The following PDZRN3 variants were observed in gnomAD, a reference collection of about 807,000 sequenced individuals.
The protein encoded by PDZRN3 is PDZ domain containing ring finger 3, also known as E3 ubiquitin-protein ligase PDZRN3.
A neutral mutation model predicts 85.7 loss-of-function variants in PDZRN3; 38 were observed. The ratio of observed to expected loss-of-function variants is 0.44; its 90% CI spans 0.34 to 0.58. The LOEUF is 0.58. Ranked by LOEUF, PDZRN3 falls within the 20% of genes least tolerant of loss-of-function variation. The pLI is 0.01. For missense variants in PDZRN3, 1,629 were observed against 1,506.4 expected, an observed-to-expected ratio of 1.08 and a Z score of -1.35; for synonymous variants, 759 against 638.0, an observed-to-expected ratio of 1.19 and a Z score of -2.86.
At chr3:73,505,618 C>A (rs1390029302) in intron 3 of PDZRN3, among the ~76,000 whole-genome samples, 1 of 152,012 alleles carries the variant, frequency 6.6e-6, no homozygotes, top group Non-Finnish European at 1.5e-5. Flanking sequence ...CCTTACAATA[C>A]GAATTACTAT....
At chr3:73,404,722 C>T (rs1032252035) in intron 3 of PDZRN3, among the ~76,000 whole-genome samples, 8 of 152,246 alleles carry the variant, frequency 5.3e-5, no homozygotes, top group African/African-American at 1.4e-4. Flanking sequence ...GAGCCTTTAT[C>T]AGGCAATAAT....
intron 3 of PDZRN3, among the ~76,000 whole-genome samples, chr3:73,475,157 T>C (rs545167112): frequency 6.6e-6 from 1 of 152,320 alleles, no homozygotes; most frequent in Admixed American, 6.5e-5. Context: ...CAAGCTCTGA[T>C]GTTCATGAGG....
At chr3:73,548,224 C>T (rs1182370417) in intron 3 of PDZRN3, among the ~76,000 whole-genome samples, 2 of 152,218 alleles carry the variant, frequency 1.3e-5, no homozygotes, top group Non-Finnish European at 2.9e-5. Context: ...GCACTACATA[C>T]CCAAATGTGA....
intron 3 of PDZRN3, among the ~76,000 whole-genome samples, chr3:73,518,345 G>T (rs959096687): frequency 3.9e-5 from 6 of 152,052 alleles, no homozygotes; most frequent in African/African-American, 1.4e-4. Context: ...CCATGGGCTG[G>T]GGGAAGGAAA....
At chr3:73,600,337 A>ACACACACACTCTCTCTCTCTCTCT (rs34405662) in intron 3 of PDZRN3, among the ~76,000 whole-genome samples, 8 of 100,072 alleles carry the variant, frequency 8.0e-5, no homozygotes, top group African/African-American at 3.0e-4. Flanking sequence ...ACACACACAC[A>ACACACACACTCTCTCTCTCTCTCT]CTCTCTCTCT....
Position 73,383,840 on chromosome 3 carries a change from A to T in PDZRN3, c.2726T>A (p.Leu909Gln). ...CGGCTCCGACGGGGTGGGAGAGCTC[A>T]GGTCCTTGCACATGCTCACCAGGCT... Reference protein sequence around the residue: ...QMSLVSMCKDLSSPTPSEPRM... With the variant: ...QMSLVSMCKDQSSPTPSEPRM... Residue 909 changes from leucine to glutamine, a missense_variant, in exon 10 of 10, where the codon CTG becomes CAG. By Grantham distance (113) the Leu-to-Gln change is moderately radical. Coordinates refer to ENST00000263666, the MANE Select transcript of PDZRN3 (RefSeq NM_015009.3). 6.2e-7 allele frequency: 1 copy of T among 1,613,802 alleles called. No homozygotes were observed. The highest frequency in any genetic ancestry group is 1.3e-5 in the African/African-American group (1 of 75,052).
At chr3:73,428,215 G>A (rs971950752) in intron 3 of PDZRN3, among the ~76,000 whole-genome samples, 11 of 152,084 alleles carry the variant, frequency 7.2e-5, no homozygotes, top group Admixed American at 2.0e-4. Flanking sequence ...GAGCCAGTGA[G>A]CAAGTGGGTG....
chr3:73,562,995 ATATATATATATATATATATTTTT>A lies in PDZRN3; in HGVS notation c.918+39336_918+39358del, dbSNP rs1279999223. The stretch of plus-strand genomic sequence containing the variant: ...GCAAGTTGGCAAATTATATATATAT[ATATATATATATATATATATTTTT>A]TTTTTTTTTTTTTTTTTTGAGACAG... On this transcript the variant is annotated intron_variant, in intron 3 of 9. Transcript: ENST00000263666. Among the ~76,000 whole-genome samples, 168 of 29,084 alleles carry A rather than the reference ATATATATATATATATATATTTTT, an allele frequency of 5.8e-3. 5 individuals carry two copies. Among genetic ancestry groups the A allele is most frequent in the Middle Eastern group, 0.03 (2 of 66 alleles). 19.1% of individuals were successfully genotyped at this position (29,084 alleles called of 152,430 possible). A position where few individuals can be genotyped will look rare whatever the true frequency, so the allele number is the denominator to read the frequency against.
chr3:73,413,173 G>T (rs957066951), intron 3 of PDZRN3, among the ~76,000 whole-genome samples: 1 of 152,158 alleles, frequency 6.6e-6, no homozygotes, highest in Non-Finnish European at 1.5e-5. Flanking sequence ...TATAAACAGG[G>T]TTGTGAAGAT....
Position 73,382,728 on chromosome 3 carries a change from G to C in PDZRN3, c.*637C>G, listed in dbSNP as rs1247119538. 2.6e-5 allele frequency: 4 copies of C among 152,620 alleles called. No homozygotes were observed. The highest frequency in any genetic ancestry group is 4.4e-5 in the Non-Finnish European group (3 of 68,044). The allele number at this position is 152,620 out of a possible 1,614,324, so 9.5% of individuals were successfully genotyped here. On this transcript the variant is annotated 3_prime_UTR_variant, in exon 10 of 10. Transcript: ENST00000263666. ...GCTTTAAACTTCCATAAAGATGCAA[G>C]ATATTTTGCTTTCTGCTAAAACCTT...
intron 3 of PDZRN3, among the ~76,000 whole-genome samples, chr3:73,574,831 C>G (rs184202761): frequency 8.3e-4 from 127 of 152,342 alleles, no homozygotes; most frequent in African/African-American, 3.0e-3. Context: ...AACTTCCCCC[C>G]TCATCTAGCC....
At chr3:73,553,576 TAAA>T (rs5850118) in intron 3 of PDZRN3, among the ~76,000 whole-genome samples, 2 of 136,710 alleles carry the variant, frequency 1.5e-5, no homozygotes, top group African/African-American at 2.8e-5. Flanking sequence ...AGACTCCATC[TAAA>T]AAAAAAAAAA....
intron 2 of PDZRN3, among the ~76,000 whole-genome samples, chr3:73,602,920 C>T (rs1304927157): frequency 1.3e-5 from 2 of 152,154 alleles, no homozygotes; most frequent in Admixed American, 6.6e-5. Flanking sequence ...GAACAGTATC[C>T]AACATGAGGC....
chr3:73,620,071 T>A (rs1702830662), intron 1 of PDZRN3, among the ~76,000 whole-genome samples: 1 of 152,112 alleles, frequency 6.6e-6, no homozygotes, highest in Admixed American at 6.6e-5. Context: ...CAGGTCAGCC[T>A]CCCACCCCCA....
In PDZRN3 at chr3:73,383,397, A is replaced by G. The variant is rs1300984672; in HGVS notation, c.3169T>C (p.Tyr1057His). ...GTAGTCACCGATAGGAAGGAATTGT[A>G]TACTCTAGTGCCGTCCGGGGATTTT... is the stretch of plus-strand genomic sequence containing the variant. ...GTKSPDGTRVYNSFLSVTTV is the reference protein window; with the variant it reads ...GTKSPDGTRVHNSFLSVTTV Residue 1057 changes from tyrosine (Y) to histidine (H), a missense_variant, in exon 10 of 10, where the codon TAC becomes CAC. Physicochemically the swap from Tyr to His is moderately conservative, Grantham distance 83. Transcript: ENST00000263666. 4.3e-6 allele frequency: 7 copies of G among 1,613,466 alleles called. No homozygotes were observed. The South Asian group carries it at 7.7e-5, about 18-fold the overall frequency.
intron 3 of PDZRN3, among the ~76,000 whole-genome samples, chr3:73,465,995 T>C (rs376537321): frequency 1.3e-5 from 2 of 152,216 alleles, no homozygotes; most frequent in Admixed American, 6.6e-5. Context: ...ATACTGAAGA[T>C]TGTATTTTCC....
chr3:73,402,016 G>C (rs1289136135), intron 4 of PDZRN3: 1 of 152,186 alleles, frequency 6.6e-6, no homozygotes, highest in African/African-American at 2.4e-5. Context: ...GCACTTAAAG[G>C]GCTTTTAGTA....
chr3:73,541,657 C>G (rs541297052), intron 3 of PDZRN3, among the ~76,000 whole-genome samples: 36 of 152,284 alleles, frequency 2.4e-4, no homozygotes, highest in South Asian at 8.3e-4. Context: ...TGTTGGACTT[C>G]TATAGCAATT....
chr3:73,443,219 C>T (rs1702677226), intron 3 of PDZRN3, among the ~76,000 whole-genome samples: 1 of 152,084 alleles, frequency 6.6e-6, no homozygotes, highest in South Asian at 2.1e-4. Flanking sequence ...CACACAAAAC[C>T]CCCCCTACCC....
Sources: allele counts gnomAD v4.1 joint callset (sites outside exome capture counted in the v4.1 genomes callset), GRCh38; gene constraint gnomAD v4.1.1; transcripts MANE v1.5; gene names NCBI Gene and HGNC (gene_info 2026-07-23, HGNC 2026-07-21).